Variants in ST6GALNAC3 observed in about 807,000 individuals in gnomAD.
ST6GALNAC3 encodes alpha-N-acetylgalactosaminide alpha-2,6-sialyltransferase 3.
In ST6GALNAC3, 25 loss-of-function variants were observed where a neutral mutation model predicts 32.7. The observed-to-expected ratio is 0.76, with a 90% CI of 0.56 to 1.07. The LOEUF is 1.07. Among genes scored for constraint, ST6GALNAC3 ranks in the 50% least tolerant of loss-of-function variants. The probability of loss-of-function intolerance (pLI) is 0.00; values close to 1 mark genes in which losing one functional copy is unlikely to be tolerated. For missense variants in ST6GALNAC3, 355 were observed against 382.4 expected (o/e 0.93, Z 0.60); for synonymous variants, 129 against 133.1 (o/e 0.97, Z 0.21).
chr1:76,596,262 T>C (rs922805408), intron 3 of ST6GALNAC3, among the ~76,000 whole-genome samples: 6 of 152,164 alleles, frequency 3.9e-5, no homozygotes, highest in Non-Finnish European at 7.4e-5. Flanking sequence ...ATGCCTCTTT[T>C]ATTTTACTTA....
At chr1:76,148,726 G>T (rs765176304) in intron 1 of ST6GALNAC3, among the ~76,000 whole-genome samples, 1 of 152,292 alleles carries the variant, frequency 6.6e-6, no homozygotes, top group East Asian at 1.9e-4. Context: ...GGCCTCAGTG[G>T]AGGCCAGACA....
At chr1:76,096,452 C>G (rs1647133376) in intron 1 of ST6GALNAC3, among the ~76,000 whole-genome samples, 1 of 152,122 alleles carries the variant, frequency 6.6e-6, no homozygotes, top group African/African-American at 2.4e-5. Context: ...AATGTAAAAA[C>G]TTGCTTGTTG....
At chr1:76,109,756 C>T (rs921812756) in intron 1 of ST6GALNAC3, among the ~76,000 whole-genome samples, 2 of 152,206 alleles carry the variant, frequency 1.3e-5, no homozygotes, top group Non-Finnish European at 2.9e-5. Flanking sequence ...AGTCATTCTT[C>T]CCTGAAAACT....
intron 3 of ST6GALNAC3, among the ~76,000 whole-genome samples, chr1:76,523,313 A>G (rs1179868056): frequency 1.3e-5 from 2 of 152,088 alleles, no homozygotes; most frequent in Non-Finnish European, 2.9e-5. Context: ...TTGTCTTAAT[A>G]TCTACATCAT....
chr1:76,623,117 A>G (rs919058702), intron 3 of ST6GALNAC3, among the ~76,000 whole-genome samples: 1 of 151,958 alleles, frequency 6.6e-6, no homozygotes, highest in Non-Finnish European at 1.5e-5. Flanking sequence ...AGGGGTAAAC[A>G]TCAAGGGTAA....
chr1:76,175,684 T>C (rs1652805788), intron 1 of ST6GALNAC3, among the ~76,000 whole-genome samples: 1 of 152,154 alleles, frequency 6.6e-6, no homozygotes, highest in Non-Finnish European at 1.5e-5. Flanking sequence ...AAAAAATATA[T>C]TCCCCCAGGT....
chr1:76,199,649 CA>C (rs1304743212), intron 1 of ST6GALNAC3, among the ~76,000 whole-genome samples: 1 of 152,142 alleles, frequency 6.6e-6, no homozygotes, highest in Non-Finnish European at 1.5e-5. Context: ...TGTGATTTAT[CA>C]TGACCATTTT....
At chr1:76,445,257 G>A (rs1201205113) in intron 3 of ST6GALNAC3, among the ~76,000 whole-genome samples, 2 of 152,244 alleles carry the variant, frequency 1.3e-5, no homozygotes, top group East Asian at 1.9e-4. Flanking sequence ...TCTTGGAAGT[G>A]TAGTCCCAGA....
At position 76,327,966 on chromosome 1, in the gene ST6GALNAC3, T is replaced by C. The variant is rs139433289; in HGVS notation, c.213+13967T>C. On this transcript the variant is annotated intron_variant, in intron 2 of 4. Transcript: ENST00000328299. Reference sequence around the variant, plus strand: ...ACATAAAATAAACCATCACAATGTATAATTCTTTTAATGAATTGTTGAATT... The same window carrying C: ...ACATAAAATAAACCATCACAATGTACAATTCTTTTAATGAATTGTTGAATT... Among the ~76,000 whole-genome samples the C allele has an allele frequency of 2.2e-3, 339 of 152,340 alleles. 2 individuals carry two copies. Among genetic ancestry groups the C allele is most frequent in the South Asian group, 3.7e-3 (18 of 4,830 alleles).
Position 76,316,311 on chromosome 1 carries a change from C to T in ST6GALNAC3, c.213+2312C>T, listed in dbSNP as rs375783312. 1.1e-4 allele frequency among the ~76,000 whole-genome samples: 17 copies of T among 152,204 alleles called. No homozygotes were observed. In the East Asian group the frequency reaches 1.9e-3, roughly 17 times the overall value. ...TCTACACTAGAGGTGCTCATGAACC[C>T]GTGCACTGGAAGGCATGGACAGAAC... On this transcript the variant is annotated intron_variant, in intron 2 of 4. Transcript: ENST00000328299.
chr1:76,532,899 G>T (rs561353218), intron 3 of ST6GALNAC3, among the ~76,000 whole-genome samples: 2 of 152,176 alleles, frequency 1.3e-5, no homozygotes, highest in Non-Finnish European at 2.9e-5. Flanking sequence ...CAATTCTGCT[G>T]TCATTTCAGA....
chr1:76,436,469 A>T (rs923251453), intron 3 of ST6GALNAC3, among the ~76,000 whole-genome samples: 10 of 152,124 alleles, frequency 6.6e-5, no homozygotes, highest in Admixed American at 1.3e-4. Flanking sequence ...AGTGCTGTGT[A>T]ACACTTAAGA....
intron 1 of ST6GALNAC3, among the ~76,000 whole-genome samples, chr1:76,126,538 C>A (rs1479631416): frequency 1.3e-5 from 2 of 150,590 alleles, no homozygotes; most frequent in African/African-American, 2.4e-5. Context: ...GTACTTTTTT[C>A]TTTTCTTAAT....
intron 1 of ST6GALNAC3, among the ~76,000 whole-genome samples, chr1:76,293,372 G>A (rs2100824069): frequency 6.6e-6 from 1 of 152,228 alleles, no homozygotes; most frequent in South Asian, 2.1e-4. Context: ...CCCTATGCTG[G>A]CATTGATCTA....
intron 1 of ST6GALNAC3, among the ~76,000 whole-genome samples, chr1:76,304,597 A>G (rs1444575677): frequency 6.6e-6 from 1 of 152,052 alleles, no homozygotes; most frequent in Non-Finnish European, 1.5e-5. Context: ...AGCTTGAAAC[A>G]TGGAGGACAG....
intron 1 of ST6GALNAC3, among the ~76,000 whole-genome samples, chr1:76,255,452 A>T (rs1181964451): frequency 6.6e-6 from 1 of 152,120 alleles, no homozygotes; most frequent in East Asian, 1.9e-4. Flanking sequence ...AAGAAAGTCA[A>T]TTGAACTCTC....
chr1:76,499,875 A>G (rs1661077156), intron 3 of ST6GALNAC3, among the ~76,000 whole-genome samples: 1 of 152,158 alleles, frequency 6.6e-6, no homozygotes, highest in African/African-American at 2.4e-5. Flanking sequence ...TGCAGAACAT[A>G]AAATGTAAAT....
At chr1:76,425,303 CT>C (rs1190178055) in intron 3 of ST6GALNAC3, among the ~76,000 whole-genome samples, 16 of 151,926 alleles carry the variant, frequency 1.1e-4, no homozygotes, top group Admixed American at 1.1e-3. Context: ...GCAACTTCCC[CT>C]ATTAGGAGCG....
At chr1:76,525,677 T>G (rs1332713132) in intron 3 of ST6GALNAC3, among the ~76,000 whole-genome samples, 4 of 151,238 alleles carry the variant, frequency 2.6e-5, no homozygotes, top group African/African-American at 9.7e-5. Context: ...TCTTCTCCTT[T>G]GACATTCCAC....
Sources: allele counts gnomAD v4.1 joint callset (sites outside exome capture counted in the v4.1 genomes callset), GRCh38; gene constraint gnomAD v4.1.1; transcripts MANE v1.5; gene names NCBI Gene and HGNC (gene_info 2026-07-23, HGNC 2026-07-21).